CACNA1D: variants seen among roughly 807,000 people sequenced by gnomAD.
The protein encoded by CACNA1D is calcium voltage-gated channel subunit alpha1 D.
A neutral mutation model predicts 257.1 loss-of-function variants in CACNA1D; 55 were observed. The observed-to-expected ratio is 0.21, with a 90% CI of 0.17 to 0.27. The LOEUF (loss-of-function observed/expected upper bound fraction) is 0.27, where lower values mean the gene tolerates loss of function less well. CACNA1D is among the 10% of genes least tolerant of loss of function. The pLI is 1.00. For synonymous variants in CACNA1D, 980 were observed against 1,014.9 expected (o/e 0.97, Z 0.65); for missense variants, 1,876 against 2,784.0 (o/e 0.67, Z 7.34).
intron 3 of CACNA1D, among the ~76,000 whole-genome samples, chr3:53,628,346 C>T (rs1376844856): frequency 2.6e-5 from 4 of 152,146 alleles, no homozygotes; most frequent in Non-Finnish European, 5.9e-5. Flanking sequence ...TGTAAGCTCC[C>T]CATCTTCCAA....
At chr3:53,797,597 C>T (rs1356013552) in intron 40 of CACNA1D, among the ~76,000 whole-genome samples, 3 of 152,172 alleles carry the variant, frequency 2.0e-5, no homozygotes, top group Non-Finnish European at 4.4e-5. Flanking sequence ...ATTCTCTGTC[C>T]CATGTCTGTT....
At chr3:53,664,337 G>A (rs2094237962) in intron 5 of CACNA1D, among the ~76,000 whole-genome samples, 1 of 152,058 alleles carries the variant, frequency 6.6e-6, no homozygotes, top group African/African-American at 2.4e-5. Context: ...CTCAGTTGCT[G>A]AGTTCTGGTC....
chr3:53,506,222 T>G (rs138919179), intron 3 of CACNA1D, among the ~76,000 whole-genome samples: 36 of 152,348 alleles, frequency 2.4e-4, no homozygotes, highest in African/African-American at 8.7e-4. Context: ...ATATGCTGCT[T>G]CTTCCCTTCA....
chr3:53,567,940 A>T (rs1231824599), intron 3 of CACNA1D, among the ~76,000 whole-genome samples: 1 of 152,164 alleles, frequency 6.6e-6, no homozygotes, highest in Non-Finnish European at 1.5e-5. Context: ...TTTCTGACTG[A>T]AAGAAGCATG....
At chr3:53,516,305 C>G (rs2091331482) in intron 3 of CACNA1D, among the ~76,000 whole-genome samples, 1 of 152,244 alleles carries the variant, frequency 6.6e-6, no homozygotes, top group Non-Finnish European at 1.5e-5. Context: ...GAATCAGTCA[C>G]ACGGCACACC....
At chr3:53,697,295 A>G (rs1335412717) in intron 8 of CACNA1D, among the ~76,000 whole-genome samples, 1 of 152,126 alleles carries the variant, frequency 6.6e-6, no homozygotes, top group African/African-American at 2.4e-5. Context: ...CTATAGGGAC[A>G]TTTTCTGGCC....
chr3:53,608,202 A>C (rs1300266343), intron 3 of CACNA1D, among the ~76,000 whole-genome samples: 2 of 152,104 alleles, frequency 1.3e-5, no homozygotes, highest in East Asian at 3.8e-4. Flanking sequence ...TTCAGTTTCA[A>C]ATGTTTTGCA....
intron 3 of CACNA1D, among the ~76,000 whole-genome samples, chr3:53,608,444 C>T (rs982507062): frequency 2.6e-5 from 4 of 152,148 alleles, no homozygotes; most frequent in African/African-American, 7.2e-5. Context: ...TTTTCCTTCT[C>T]CCGTTATAAT....
At chr3:53,771,306 T>A (rs1264193790) in intron 32 of CACNA1D, among the ~76,000 whole-genome samples, 1 of 152,242 alleles carries the variant, frequency 6.6e-6, no homozygotes, top group Non-Finnish European at 1.5e-5. Context: ...ATTTTTTAAA[T>A]TATTTGACTA....
intron 3 of CACNA1D, among the ~76,000 whole-genome samples, chr3:53,570,053 GA>G (rs567283157): frequency 1.2e-4 from 18 of 150,496 alleles, no homozygotes; most frequent in African/African-American, 2.0e-4. Context: ...AAACTTTTTG[GA>G]AAAAAAAATG....
intron 8 of CACNA1D, among the ~76,000 whole-genome samples, chr3:53,678,024 T>C (rs1263688264): frequency 2.0e-5 from 3 of 152,200 alleles, no homozygotes; most frequent in Admixed American, 2.0e-4. Context: ...TCTTCCTGGA[T>C]TTGATGCAAG....
At chr3:53,545,125 C>G (rs549925144) in intron 3 of CACNA1D, among the ~76,000 whole-genome samples, 1 of 152,308 alleles carries the variant, frequency 6.6e-6, no homozygotes, top group East Asian at 1.9e-4. Context: ...CTTTTTGGGC[C>G]TAGGTTTTCT....
At chr3:53,809,773 G>A (rs1353367484) in intron 46 of CACNA1D, 34 of 603,740 alleles carry the variant, frequency 5.6e-5, no homozygotes, top group South Asian at 5.0e-4. Context: ...TTATGGATTC[G>A]GGGTAAAAGA....
intron 3 of CACNA1D, among the ~76,000 whole-genome samples, chr3:53,603,436 T>C (rs902140602): frequency 2.0e-5 from 3 of 152,202 alleles, no homozygotes; most frequent in African/African-American, 7.2e-5. Flanking sequence ...TAATAAGAAA[T>C]GTACCCCTTG....
chr3:53,774,965 A>ATGTG lies in CACNA1D; in HGVS notation c.4202+290_4202+291insGTGT, dbSNP rs1381379215. ...CTTAGGCCACCTGAAAAATTGTAGG[A>ATGTG]TGTACGTTTATGCATGGAGGCATGC... On this transcript the variant is annotated intron_variant, in intron 34 of 47. Coordinates refer to ENST00000350061, the MANE Select transcript of CACNA1D (RefSeq NM_001128840.3). The surrounding 1 kb of genome is among the most constrained non-coding windows in gnomAD (Gnocchi z 4.3). 1.7e-4 allele frequency among the ~76,000 whole-genome samples: 26 copies of ATGTG among 152,196 alleles called. No individual in the cohort carries two copies. The highest frequency in any genetic ancestry group is 5.5e-4 in the African/African-American group (23 of 41,442).
chr3:53,760,279 AC>A (rs2095293309), intron 29 of CACNA1D, among the ~76,000 whole-genome samples: 1 of 152,202 alleles, frequency 6.6e-6, no homozygotes, highest in East Asian at 1.9e-4. Flanking sequence ...AGCTGTTAGG[AC>A]AGTCAGTACG....
At chr3:53,596,603 C>T (rs1009755115) in intron 3 of CACNA1D, among the ~76,000 whole-genome samples, 6 of 152,038 alleles carry the variant, frequency 3.9e-5, no homozygotes, top group South Asian at 2.1e-4. Flanking sequence ...AAGAGTTAGC[C>T]GGAGAAGGAG....
At chr3:53,754,560 G>A (rs1334662631) in intron 29 of CACNA1D, among the ~76,000 whole-genome samples, 4 of 152,298 alleles carry the variant, frequency 2.6e-5, no homozygotes, top group East Asian at 3.9e-4. Flanking sequence ...GTAGCGCCAC[G>A]CTGCGGACTG....
intron 3 of CACNA1D, among the ~76,000 whole-genome samples, chr3:53,567,284 A>G (rs1389007832): frequency 6.6e-6 from 1 of 152,244 alleles, no homozygotes; most frequent in Non-Finnish European, 1.5e-5. Context: ...CACTAAAATT[A>G]TAAGAATTTA....
Sources: allele counts gnomAD v4.1 joint callset (sites outside exome capture counted in the v4.1 genomes callset), GRCh38; gene constraint gnomAD v4.1.1; non-coding constraint Gnocchi (gnomAD v3.1); transcripts MANE v1.5; gene names NCBI Gene and HGNC (gene_info 2026-07-23, HGNC 2026-07-21).